The following PIK3R4 variants were observed in gnomAD, a reference collection of about 807,000 sequenced individuals.
PIK3R4 encodes the protein phosphoinositide 3-kinase regulatory subunit 4.
PIK3R4 carries 46 observed loss-of-function variants against 136.5 expected under a neutral mutation model. The ratio of observed to expected loss-of-function variants is 0.34; its 90% CI spans 0.27 to 0.43. PIK3R4 has a LOEUF of 0.43. Ranked by LOEUF, PIK3R4 falls within the 20% of genes least tolerant of loss-of-function variation. The pLI, the probability that PIK3R4 is intolerant of heterozygous loss-of-function variation, is 1.00. For synonymous variants in PIK3R4, 557 were observed against 566.7 expected (o/e 0.98, Z 0.24); for missense variants, 1,331 against 1,649.5 (o/e 0.81, Z 3.35).
chr3:130,691,425 A>C lies in PIK3R4; in HGVS notation c.3099-771T>G, dbSNP rs575186736. ...AACCATAAAACATTCATAAATGCAA[A>C]ATTATAATATTCAGTCTCTCCCACA... is the stretch of plus-strand genomic sequence containing the variant. On this transcript the variant is annotated intron_variant, in intron 13 of 19. Transcript: ENST00000356763. Among the ~76,000 whole-genome samples, 13 of 152,330 alleles carry C rather than the reference A, an allele frequency of 8.5e-5. No homozygotes were observed. In the South Asian group the frequency reaches 2.7e-3, roughly 32 times the overall value.
chr3:130,705,738 G>A lies in PIK3R4; in HGVS notation c.2755C>T (p.Pro919Ser). ...PEVTTVQNKK[P>S]VIPVLSSTIL... ...GTACTACTTAAAACCGGTATTACTG[G>A]TTTTTTATTTTGGACAGTTGTCACT... The change falls in exon 12 of 20, where the codon CCA (proline) becomes TCA (serine). Residue 919 changes from proline (P) to serine (S), a missense_variant. Pro to Ser is a moderately conservative substitution (Grantham distance 74). Coordinates refer to ENST00000356763, the MANE Select transcript of PIK3R4 (RefSeq NM_014602.3). The A allele has an allele frequency of 2.5e-6, 4 of 1,610,844 alleles. No individual in the cohort carries two copies. The highest frequency in any genetic ancestry group is 2.5e-6 in the Non-Finnish European group (3 of 1,177,134).
chr3:130,713,751 C>T (rs116281940), intron 9 of PIK3R4, among the ~76,000 whole-genome samples: 2 of 152,128 alleles, frequency 1.3e-5, no homozygotes, highest in African/African-American at 4.8e-5. Flanking sequence ...CAGCTCAATG[C>T]GACCTCTGCC....
chr3:130,738,385 T>C (rs911453775), intron 2 of PIK3R4, among the ~76,000 whole-genome samples: 1 of 152,122 alleles, frequency 6.6e-6, no homozygotes, highest in Admixed American at 6.6e-5. Context: ...ACATAAAATA[T>C]AATCTAGAAG....
intron 2 of PIK3R4, among the ~76,000 whole-genome samples, chr3:130,742,890 T>A (rs2066831988): frequency 6.6e-6 from 1 of 152,226 alleles, no homozygotes; most frequent in Non-Finnish European, 1.5e-5. Context: ...CTGGAATCCA[T>A]AGCTCAGCTT....
At chr3:130,743,466 T>C (rs1343272742) in intron 2 of PIK3R4, among the ~76,000 whole-genome samples, 1 of 152,176 alleles carries the variant, frequency 6.6e-6, no homozygotes, top group African/African-American at 2.4e-5. Flanking sequence ...ATACATGTTG[T>C]ACATCTTCTC....
In PIK3R4 at chr3:130,722,117, G is replaced by C. The variant is rs369621657; in HGVS notation, c.1981+1297C>G. 2.0e-5 allele frequency among the ~76,000 whole-genome samples: 3 copies of C among 152,174 alleles called. No homozygotes were observed. The East Asian group carries it at 5.8e-4, about 29-fold the overall frequency. ...GAGAGATGTATATAGTCTATCATTT[G>C]TTTTAAATAAGTAGGTGTTTCTAAG... On this transcript the variant is annotated intron_variant, in intron 7 of 19. Coordinates refer to ENST00000356763, the MANE Select transcript of PIK3R4 (RefSeq NM_014602.3).
At position 130,690,566 on chromosome 3, in the gene PIK3R4, T is replaced by C; in HGVS notation, c.3187A>G (p.Asn1063Asp). The C allele has an allele frequency of 6.2e-7, 1 of 1,612,020 alleles. No individual in the cohort carries two copies. The highest frequency in any genetic ancestry group is 8.5e-7 in the Non-Finnish European group (1 of 1,178,154). ...ATTCCAAGAAGCTGGACAGCACCATTATCAGATGCTATGGCTAAATAGTGG... is the reference window on the plus strand; with the variant it reads ...ATTCCAAGAAGCTGGACAGCACCATCATCAGATGCTATGGCTAAATAGTGG... Reference protein sequence around the residue: ...GSHYLAIASDNGAVQLLGIEA... With the variant: ...GSHYLAIASDDGAVQLLGIEA... Residue 1063 changes from asparagine to aspartate, a missense_variant, in exon 14 of 20, where the codon AAT becomes GAT. Physicochemically the swap from Asn to Asp is conservative, Grantham distance 23. Around this residue, in one of 2 missense-constraint regions of PIK3R4, gnomAD observed 1,180 missense variants for 1,407.0 expected, o/e 0.84. Coordinates refer to ENST00000356763, the MANE Select transcript of PIK3R4 (RefSeq NM_014602.3).
chr3:130,740,409 T>C (rs900505513), intron 2 of PIK3R4, among the ~76,000 whole-genome samples: 1 of 152,126 alleles, frequency 6.6e-6, no homozygotes, highest in Non-Finnish European at 1.5e-5. Context: ...CCATTAACTA[T>C]ATTGTGTTTT....
intron 10 of PIK3R4, among the ~76,000 whole-genome samples, chr3:130,707,647 TA>T (rs1306436018): frequency 2.0e-5 from 3 of 152,214 alleles, no homozygotes; most frequent in African/African-American, 7.2e-5. Context: ...AAGTTTATTT[TA>T]AATGTAATTC....
intron 2 of PIK3R4, among the ~76,000 whole-genome samples, chr3:130,739,531 C>T (rs2066808541): frequency 6.6e-6 from 1 of 151,970 alleles, no homozygotes; most frequent in Non-Finnish European, 1.5e-5. Flanking sequence ...ACCACCACGC[C>T]CAACTAATTT....
intron 9 of PIK3R4, among the ~76,000 whole-genome samples, chr3:130,715,207 T>A (rs1396558161): frequency 7.0e-6 from 1 of 143,364 alleles, no homozygotes; most frequent in Non-Finnish European, 1.5e-5. Context: ...CACTGCAACC[T>A]CTGCCTCCCA....
chr3:130,726,239 A>G (rs1046096557), intron 6 of PIK3R4, among the ~76,000 whole-genome samples: 5 of 152,172 alleles, frequency 3.3e-5, no homozygotes, highest in African/African-American at 7.2e-5. Flanking sequence ...GACCTATCAA[A>G]TTATGATTTC....
At chr3:130,732,774 T>C (rs2066765901) in intron 4 of PIK3R4, among the ~76,000 whole-genome samples, 1 of 150,434 alleles carries the variant, frequency 6.6e-6, no homozygotes, top group Admixed American at 6.6e-5. Flanking sequence ...AATCATAAAA[T>C]GAATGAACTA....
rs749098700 is a variant in PIK3R4, at chr3:130,716,559, G to A, written c.2168C>T (p.Pro723Leu). ...KLVLLSVLKEPVSRSIFDYAL... is the reference protein window; with the variant it reads ...KLVLLSVLKELVSRSIFDYAL... ...ATAATCAAATATAGAACGACTTACT[G>A]GTTCCTTTAAAACACTGAGCAGAAC... The change falls in exon 9 of 20, where the codon CCA (proline) becomes CTA (leucine). Residue 723 changes from proline (P) to leucine (L), a missense_variant. This residue lies in a region of PIK3R4 where 1,180 missense variants were observed against 1,407.0 expected (regional missense o/e 0.84). Transcript: ENST00000356763. 31 of 1,613,682 alleles carry A rather than the reference G, an allele frequency of 1.9e-5. No homozygotes were observed. Among genetic ancestry groups the A allele is most frequent in the Non-Finnish European group, 2.3e-5 (27 of 1,179,738 alleles).
chr3:130,721,202 T>C (rs1239908943), intron 7 of PIK3R4, among the ~76,000 whole-genome samples: 1 of 151,790 alleles, frequency 6.6e-6, no homozygotes, highest in Non-Finnish European at 1.5e-5. Context: ...CCGGGCATGG[T>C]AGCGGGCGCC....
chr3:130,702,594 T>A (rs2066581246), intron 13 of PIK3R4, among the ~76,000 whole-genome samples: 1 of 152,204 alleles, frequency 6.6e-6, no homozygotes, highest in African/African-American at 2.4e-5. Flanking sequence ...TTTACACAGA[T>A]GAGATTCAAT....
Position 130,733,749 on chromosome 3 carries a change from G to A in PIK3R4, c.1249C>T (p.Arg417Cys), listed in dbSNP as rs767530523. ...PRLSVEILLD[R>C]ITPYLLHFSN... Reference sequence around the variant, plus strand: ...AAATGCAAAAGATATGGAGTAATACGATCCAAAAGGATTTCAACACTTAAT... The same window carrying A: ...AAATGCAAAAGATATGGAGTAATACAATCCAAAAGGATTTCAACACTTAAT... The change falls in exon 4 of 20, where the codon CGT (arginine) becomes TGT (cysteine). Residue 417 changes from arginine (R) to cysteine (C), a missense_variant. By Grantham distance (180) the Arg-to-Cys change is radical. This residue lies in a region of PIK3R4 where 1,180 missense variants were observed against 1,407.0 expected (regional missense o/e 0.84). Transcript: ENST00000356763. 1.9e-6 allele frequency: 3 copies of A among 1,614,122 alleles called. No homozygotes were observed. Among genetic ancestry groups the A allele is most frequent in the Non-Finnish European group, 2.5e-6 (3 of 1,179,984 alleles).
intron 6 of PIK3R4, among the ~76,000 whole-genome samples, chr3:130,724,996 A>T (rs945526360): frequency 1.3e-5 from 2 of 152,002 alleles, no homozygotes; most frequent in African/African-American, 2.4e-5. Flanking sequence ...ATACATTTTG[A>T]TTAAATTTTA....
chr3:130,706,809 C>T (rs2306688), intron 11 of PIK3R4, 139 bp downstream of exon 11: 111,364 of 525,546 alleles, frequency 0.21, 12,549 homozygotes, highest in South Asian at 0.34. Flanking sequence ...ATAAACCTGT[C>T]TTAGAAAGAA....
Sources: gnomAD v4.1 joint callset for allele counts (sites outside exome capture counted in the v4.1 genomes callset) on GRCh38, gnomAD v4.1.1 for gene constraint, gnomAD v4.1.1 regional missense constraint, MANE v1.5 for transcripts, NCBI Gene and HGNC (gene_info 2026-07-23, HGNC 2026-07-21) for gene names.